Variants in INTS6 observed in about 807,000 individuals in gnomAD.
INTS6 encodes the protein DEAD box protein.
A neutral mutation model predicts 104.9 loss-of-function variants in INTS6; 16 were observed. The ratio of observed to expected loss-of-function variants is 0.15; its 90% CI spans 0.10 to 0.23. The LOEUF (loss-of-function observed/expected upper bound fraction) is 0.23. Ranked by LOEUF, INTS6 falls within the 10% of genes least tolerant of loss-of-function variation. The pLI is 1.00. For missense variants in INTS6, 584 were observed against 1,062.8 expected (o/e 0.55, Z 6.26); for synonymous variants, 324 against 358.7 (o/e 0.90, Z 1.09).
chr13:51,351,562 T>C (rs1296499718), downstream of INTS6, among the ~76,000 whole-genome samples: 2 of 152,172 alleles, frequency 1.3e-5, no homozygotes, highest in Non-Finnish European at 2.9e-5. Context: ...GATTTGTAAA[T>C]ACTTTGTCAT....
At chr13:51,396,014 T>G (rs1299720277) in intron 4 of INTS6, among the ~76,000 whole-genome samples, 1 of 152,052 alleles carries the variant, frequency 6.6e-6, no homozygotes, top group Non-Finnish European at 1.5e-5. Context: ...ACCAGGATGG[T>G]CTCAAACTCC....
intron 4 of INTS6, among the ~76,000 whole-genome samples, chr13:51,398,729 T>TAA (rs77125249): frequency 3.2e-5 from 4 of 126,464 alleles, no homozygotes; most frequent in Non-Finnish European, 5.1e-5. Context: ...ATAAGATGTT[T>TAA]AAAAAAAAAA....
chr13:51,347,755 C>A, the INTS6 span, among the ~76,000 whole-genome samples: 2 of 152,194 alleles, frequency 1.3e-5, no homozygotes, highest in African/African-American at 4.8e-5. Flanking sequence ...GAGATATGAA[C>A]CATCCCTTTG....
At chr13:51,336,096 T>C in the INTS6 span, among the ~76,000 whole-genome samples, 2 of 152,344 alleles carry the variant, frequency 1.3e-5, no homozygotes, top group African/African-American at 2.4e-5. Context: ...AAGTAAGTTA[T>C]TAACTTAGTT....
In INTS6 at chr13:51,369,169, G is replaced by A; in HGVS notation, c.2246C>T (p.Thr749Ile). 6.2e-7 allele frequency: 1 copy of A among 1,613,850 alleles called. No homozygotes were observed. Among genetic ancestry groups the A allele is most frequent in the Non-Finnish European group, 8.5e-7 (1 of 1,179,860 alleles). Residue 749 changes from threonine (T) to isoleucine (I), a missense_variant, in exon 16 of 18, where the codon ACC becomes ATC. By Grantham distance (89) the Thr-to-Ile change is moderately conservative. Around this residue, in one of 5 missense-constraint regions of INTS6, gnomAD observed 296 missense variants for 437.0 expected, o/e 0.68. Transcript: ENST00000311234. Reference sequence around the variant, plus strand: ...ATGACCAAGAGCCTCCATATGATTGGTTGGCCGTTCCAGTAAACTGGCTGG... The same window carrying A: ...ATGACCAAGAGCCTCCATATGATTGATTGGCCGTTCCAGTAAACTGGCTGG... Reference protein sequence around the residue: ...SSPASLLERPTNHMEALGHDH... With the variant: ...SSPASLLERPINHMEALGHDH...
chr13:51,355,157 T>G, intron 3 of INTS6: 26 of 1,344,640 alleles, frequency 1.9e-5, no homozygotes, highest in Non-Finnish European at 2.6e-5. Context: ...AAAACGGTTC[T>G]TCTTCCAAAC....
Position 51,452,267 on chromosome 13 carries a change from G to A in INTS6, c.111+148C>T. 2 of 866,924 alleles carry A rather than the reference G, an allele frequency of 2.3e-6. No individual in the cohort carries two copies. Among genetic ancestry groups the A allele is most frequent in the Non-Finnish European group, 3.0e-6 (2 of 676,946 alleles). The allele number at this position is 866,924 out of a possible 1,614,324, so 53.7% of individuals were successfully genotyped here. A position where few individuals can be genotyped will look rare whatever the true frequency, so the allele number is the denominator to read the frequency against. On this transcript the variant is annotated intron_variant, in intron 1 of 17. Transcript: ENST00000311234. The surrounding 1 kb of genome is among the most constrained non-coding windows in gnomAD (Gnocchi z 4.2). ...CGGCCGAACCCGGCTCGCAGCGCCC[G>A]CCCGCCCGCGCGGTGGGGGAGGGGG...
chr13:51,410,919 T>C (rs1566232829), intron 4 of INTS6, among the ~76,000 whole-genome samples: 1 of 151,640 alleles, frequency 6.6e-6, no homozygotes, highest in African/African-American at 2.4e-5. Context: ...AGATAGAAAA[T>C]AAGCACATGG....
At chr13:51,403,307 G>C (rs185736745) in intron 4 of INTS6, among the ~76,000 whole-genome samples, 117 of 152,212 alleles carry the variant, frequency 7.7e-4, no homozygotes, top group African/African-American at 2.4e-3. Flanking sequence ...CCCTTAGCTG[G>C]GTGTGGTGGC....
At chr13:51,355,153 GTTC>G (rs1955460409) in intron 3 of INTS6, 1 of 1,389,584 alleles carries the variant, frequency 7.2e-7, no homozygotes, top group Admixed American at 2.0e-5. Flanking sequence ...GGTAAAAACG[GTTC>G]TTCTTCCAAA....
chr13:51,412,906 T>A (rs1421124085), intron 4 of INTS6, among the ~76,000 whole-genome samples: 1 of 152,176 alleles, frequency 6.6e-6, no homozygotes, highest in Non-Finnish European at 1.5e-5. Context: ...AGAAACTAGA[T>A]CAACTAGTAG....
chr13:51,443,148 G>A (rs1014969049), intron 3 of INTS6: 1 of 152,110 alleles, frequency 6.6e-6, no homozygotes, highest in Admixed American at 6.5e-5. Context: ...CTCCATAACT[G>A]TTCTATCACC....
chr13:51,361,550 T>G, downstream of INTS6: 1 of 591,068 alleles, frequency 1.7e-6, no homozygotes. Flanking sequence ...AGAAGAGATA[T>G]CCATCCCATA....
intron 4 of INTS6, among the ~76,000 whole-genome samples, chr13:51,402,089 A>G (rs1956450961): frequency 6.6e-6 from 1 of 152,154 alleles, no homozygotes; most frequent in African/African-American, 2.4e-5. Flanking sequence ...CTTCATACAA[A>G]GGAGTGGCAA....
intron 3 of INTS6, among the ~76,000 whole-genome samples, chr13:51,435,847 T>C (rs1043443913): frequency 2.6e-5 from 4 of 151,890 alleles, no homozygotes; most frequent in African/African-American, 7.3e-5. Context: ...GTGGAGGAGG[T>C]TCATTAAATT....
chr13:51,390,329 A>C (rs1593695703), intron 5 of INTS6, among the ~76,000 whole-genome samples: 1 of 151,918 alleles, frequency 6.6e-6, no homozygotes, highest in African/African-American at 2.4e-5. Context: ...GTAATTTTAA[A>C]ATATCAATCT....
chr13:51,411,780 T>A (rs1956692293), intron 4 of INTS6, among the ~76,000 whole-genome samples: 2 of 152,112 alleles, frequency 1.3e-5, no homozygotes, highest in Non-Finnish European at 2.9e-5. Context: ...TAAAGCTAGA[T>A]ATATACTTAT....
At chr13:51,451,384 G>C in intron 2 of INTS6, 1 of 360,494 alleles carries the variant, frequency 2.8e-6, no homozygotes, top group Non-Finnish European at 4.9e-6. Flanking sequence ...GTAGTTAACT[G>C]CCTTAATACT....
chr13:51,355,817 A>AAACTATTGCC (rs1955472585), intron 3 of INTS6, among the ~76,000 whole-genome samples: 1 of 152,208 alleles, frequency 6.6e-6, no homozygotes, highest in African/African-American at 2.4e-5. Context: ...ACCATTGGCT[A>AAACTATTGCC]AACTATTGCC....
Sources: allele counts gnomAD v4.1 joint callset (sites outside exome capture counted in the v4.1 genomes callset), GRCh38; gene constraint gnomAD v4.1.1; regional missense constraint gnomAD v4.1.1; non-coding constraint Gnocchi (gnomAD v3.1); transcripts MANE v1.5; gene names NCBI Gene and HGNC (gene_info 2026-07-23, HGNC 2026-07-21).